GRHL2: variants seen among roughly 807,000 people sequenced by gnomAD.
GRHL2 encodes the protein grainyhead-like protein 2 homolog.
GRHL2 carries 21 observed loss-of-function variants against 83.8 expected under a neutral mutation model. That is an observed-to-expected ratio of 0.25 (90% CI 0.18 to 0.36). The LOEUF is 0.36. GRHL2 is among the 10% of genes least tolerant of loss of function. GRHL2 has a pLI of 1.00. For missense variants in GRHL2, 623 were observed against 781.8 expected (o/e 0.80, Z 2.42); for synonymous variants, 280 against 278.9 (o/e 1.00, Z -0.04).
chr8:101,626,452 C>T (rs1169207127), intron 9 of GRHL2, among the ~76,000 whole-genome samples: 1 of 151,994 alleles, frequency 6.6e-6, no homozygotes, highest in Admixed American at 6.6e-5. Flanking sequence ...TTTATGCTAA[C>T]ATTAAATTCT....
At chr8:101,604,197 C>T (rs1055658292) in intron 8 of GRHL2, among the ~76,000 whole-genome samples, 1 of 152,030 alleles carries the variant, frequency 6.6e-6, no homozygotes, top group Non-Finnish European at 1.5e-5. Context: ...TTCTTTCTCT[C>T]CTTACCCAAA....
At chr8:101,640,649 CT>C (rs1283051944) in intron 12 of GRHL2, among the ~76,000 whole-genome samples, 1 of 152,244 alleles carries the variant, frequency 6.6e-6, no homozygotes, top group Non-Finnish European at 1.5e-5. Flanking sequence ...CCCTGATCCT[CT>C]GTCCCCAGTG....
At chr8:101,640,484 C>G (rs1309630406) in intron 12 of GRHL2, among the ~76,000 whole-genome samples, 1 of 152,134 alleles carries the variant, frequency 6.6e-6, no homozygotes, top group Admixed American at 6.5e-5. Flanking sequence ...ATGGATGTCT[C>G]TTATGGAGAA....
chr8:101,541,653 G>T (rs766331588), intron 1 of GRHL2, among the ~76,000 whole-genome samples: 2 of 152,012 alleles, frequency 1.3e-5, no homozygotes, highest in Non-Finnish European at 2.9e-5. Context: ...ATGTCTCATT[G>T]TTCCATGTTG....
At chr8:101,629,857 A>C (rs1813151945) in intron 9 of GRHL2, among the ~76,000 whole-genome samples, 1 of 152,054 alleles carries the variant, frequency 6.6e-6, no homozygotes. Context: ...CTAGCACAAA[A>C]CTGTATAAAA....
chr8:101,499,102 T>C (rs901745402), intron 1 of GRHL2, among the ~76,000 whole-genome samples: 1 of 150,792 alleles, frequency 6.6e-6, no homozygotes, highest in African/African-American at 2.4e-5. Flanking sequence ...CTTGGATAAA[T>C]CAAACATACA....
At chr8:101,559,124 G>A (rs1811550388) in intron 4 of GRHL2, among the ~76,000 whole-genome samples, 1 of 152,016 alleles carries the variant, frequency 6.6e-6, no homozygotes, top group Non-Finnish European at 1.5e-5. Context: ...GGAAACTTCT[G>A]CTTTGTAAAG....
chr8:101,642,924 TA>T (rs1254479837), intron 12 of GRHL2, among the ~76,000 whole-genome samples: 1 of 152,186 alleles, frequency 6.6e-6, no homozygotes, highest in African/African-American at 2.4e-5. Flanking sequence ...TCCTTTTAAA[TA>T]TAAGGAGACT....
chr8:101,515,096 G>A (rs1810544370), intron 1 of GRHL2, among the ~76,000 whole-genome samples: 1 of 143,798 alleles, frequency 7.0e-6, no homozygotes, highest in Admixed American at 7.0e-5. Flanking sequence ...CTCCTTATAG[G>A]GATCACTGCA....
At chr8:101,530,147 A>G (rs767787714) in intron 1 of GRHL2, among the ~76,000 whole-genome samples, 1 of 152,242 alleles carries the variant, frequency 6.6e-6, no homozygotes, top group Non-Finnish European at 1.5e-5. Context: ...AGAGAAAAAC[A>G]GTCCTCAAGC....
At position 101,598,172 on chromosome 8, in the gene GRHL2, T is replaced by C. The variant is rs1175944390; in HGVS notation, c.1004-885T>C. 2.7e-5 allele frequency among the ~76,000 whole-genome samples: 4 copies of C among 150,702 alleles called. No individual in the cohort carries two copies. The East Asian group carries it at 7.7e-4, about 29-fold the overall frequency. On this transcript the variant is annotated intron_variant, in intron 7 of 15. Transcript: ENST00000646743. ...AATACATAGTAACCAAATAAAGTCA[T>C]AAAATAAGAGAAGGCCTTGAATAGA... is the stretch of plus-strand genomic sequence containing the variant.
chr8:101,496,147 C>CAAA (rs34918770), intron 1 of GRHL2, among the ~76,000 whole-genome samples: 4,579 of 112,898 alleles, frequency 0.041, 302 homozygotes, highest in African/African-American at 0.14. Flanking sequence ...GACTCCATCT[C>CAAA]AAAAAAAAAA....
At chr8:101,521,912 G>T (rs1563562432) in intron 1 of GRHL2, among the ~76,000 whole-genome samples, 1 of 152,124 alleles carries the variant, frequency 6.6e-6, no homozygotes, top group Non-Finnish European at 1.5e-5. Flanking sequence ...GGTCAACACT[G>T]CCCCCTGCAC....
rs536969305 is a variant in GRHL2, at chr8:101,572,948, A to G, written c.735-720A>G. On this transcript the variant is annotated intron_variant, in intron 5 of 15. Transcript: ENST00000646743. ...ACTCAACCTTGCTGCTGTAGTACGA[A>G]AGCAGTCATAGACAGTATGTAAACA... Among the ~76,000 whole-genome samples the G allele has an allele frequency of 6.6e-5, 10 of 152,348 alleles. No individual in the cohort carries two copies. The South Asian group carries it at 1.9e-3, about 28-fold the overall frequency.
At chr8:101,546,731 G>T (rs544711574) in intron 2 of GRHL2, among the ~76,000 whole-genome samples, 1 of 152,226 alleles carries the variant, frequency 6.6e-6, no homozygotes, top group South Asian at 2.1e-4. Context: ...AGTAATTTAT[G>T]AAGGCAATAT....
chr8:101,609,384 TG>T (rs1324125163), intron 8 of GRHL2, among the ~76,000 whole-genome samples: 1 of 150,972 alleles, frequency 6.6e-6, no homozygotes, highest in East Asian at 1.9e-4. Context: ...TTAGAAACTC[TG>T]GGGGTGAGGC....
At chr8:101,672,861 G>A (rs1424824534), downstream of GRHL2, among the ~76,000 whole-genome samples, 2 of 151,920 alleles carry the variant, frequency 1.3e-5, no homozygotes, top group South Asian at 2.1e-4. Flanking sequence ...TCTCTCGGCA[G>A]AAACCCTACA....
chr8:101,649,563 T>C, intron 14 of GRHL2, 64 bp downstream of exon 14: 1 of 1,230,298 alleles, frequency 8.1e-7, no homozygotes, highest in Non-Finnish European at 1.2e-6. Context: ...CTGGAATCCA[T>C]GTACTAACGT....
At chr8:101,570,641 C>G (rs1445796433) in intron 5 of GRHL2, among the ~76,000 whole-genome samples, 2 of 147,798 alleles carry the variant, frequency 1.4e-5, no homozygotes, top group Non-Finnish European at 3.0e-5. Flanking sequence ...GTAGGTGTTC[C>G]TCTGAACCTC....
Sources: allele counts gnomAD v4.1 joint callset (sites outside exome capture counted in the v4.1 genomes callset), GRCh38; gene constraint gnomAD v4.1.1; transcripts MANE v1.5; gene names NCBI Gene and HGNC (gene_info 2026-07-23, HGNC 2026-07-21).